KDM4C: variants seen among roughly 807,000 people sequenced by gnomAD.
The protein encoded by KDM4C is lysine-specific demethylase 4C.
KDM4C carries 81 observed loss-of-function variants against 129.3 expected under a neutral mutation model. The observed-to-expected ratio is 0.63, with a 90% CI of 0.52 to 0.75. The LOEUF is 0.75. Among genes scored for constraint, KDM4C ranks in the 30% least tolerant of loss-of-function variants. The probability of loss-of-function intolerance (pLI) is 0.00; values close to 1 mark genes in which losing one functional copy is unlikely to be tolerated. For synonymous variants in KDM4C, 573 were observed against 456.1 expected, an observed-to-expected ratio of 1.26 and a Z score of -3.26; for missense variants, 1,457 against 1,304.0, an observed-to-expected ratio of 1.12 and a Z score of -1.81.
chr9:7,082,783 G>A (rs1009126286), intron 17 of KDM4C, among the ~76,000 whole-genome samples: 1 of 152,130 alleles, frequency 6.6e-6, no homozygotes, highest in Non-Finnish European at 1.5e-5. Flanking sequence ...TCAAGCATTT[G>A]CAGTAGCAAA....
At chr9:7,102,421 A>G (rs1837204669) in intron 17 of KDM4C, among the ~76,000 whole-genome samples, 1 of 150,610 alleles carries the variant, frequency 6.6e-6, no homozygotes, top group Non-Finnish European at 1.5e-5. Context: ...GTTGTAAAGA[A>G]TCACTCGGGC....
chr9:7,135,205 C>A (rs928928085), intron 19 of KDM4C, among the ~76,000 whole-genome samples: 6 of 152,114 alleles, frequency 3.9e-5, no homozygotes, highest in African/African-American at 7.2e-5. Flanking sequence ...ATGTCCCATG[C>A]AGGAGATTCA....
chr9:7,131,776 G>A (rs1840670771), intron 19 of KDM4C, among the ~76,000 whole-genome samples: 1 of 152,156 alleles, frequency 6.6e-6, no homozygotes, highest in South Asian at 2.1e-4. Flanking sequence ...AATGTAATCA[G>A]GTTTGTTTCT....
chr9:7,056,028 C>G (rs1587311835), intron 17 of KDM4C, among the ~76,000 whole-genome samples: 1 of 152,080 alleles, frequency 6.6e-6, no homozygotes, highest in South Asian at 2.1e-4. Flanking sequence ...AACTCATGTA[C>G]CGATTTATTC....
intron 5 of KDM4C, among the ~76,000 whole-genome samples, chr9:6,868,121 C>G (rs1368878557): frequency 6.6e-6 from 1 of 151,946 alleles, no homozygotes; most frequent in East Asian, 1.9e-4. Context: ...CCAAACCCTC[C>G]CTGGAGGCAC....
chr9:6,898,686 A>G (rs1188896120), intron 8 of KDM4C, among the ~76,000 whole-genome samples: 1 of 152,206 alleles, frequency 6.6e-6, no homozygotes, highest in Non-Finnish European at 1.5e-5. Flanking sequence ...AGGGGTTTCA[A>G]CTATTAAATT....
intron 15 of KDM4C, among the ~76,000 whole-genome samples, chr9:7,023,165 T>C (rs1288267368): frequency 6.6e-6 from 1 of 152,332 alleles, no homozygotes; most frequent in South Asian, 2.1e-4. Flanking sequence ...CGGAGTGAGC[T>C]TGGAAGTGTT....
chr9:6,879,981 C>G (rs371631741), intron 5 of KDM4C, 31 bp from the exon 6 acceptor site: 1 of 1,333,438 alleles, frequency 7.5e-7, no homozygotes, highest in Non-Finnish European at 1.0e-6. Flanking sequence ...AATTATAAAC[C>G]TAAAATTTTT....
chr9:6,916,153 A>T (rs1820271505), intron 8 of KDM4C, among the ~76,000 whole-genome samples: 1 of 152,090 alleles, frequency 6.6e-6, no homozygotes, highest in Admixed American at 6.5e-5. Context: ...TTTGACAGTC[A>T]CTTCTGAGTG....
At chr9:7,063,758 G>T (rs761274677) in intron 17 of KDM4C, among the ~76,000 whole-genome samples, 24 of 152,238 alleles carry the variant, frequency 1.6e-4, no homozygotes, top group Non-Finnish European at 3.4e-4. Flanking sequence ...GGAAGAAACA[G>T]TGCCTAATAA....
chr9:7,100,640 T>G (rs1223339150), intron 17 of KDM4C, among the ~76,000 whole-genome samples: 2 of 152,206 alleles, frequency 1.3e-5, no homozygotes, highest in African/African-American at 4.8e-5. Flanking sequence ...ACTCTCAGCC[T>G]AAAGATCTTT....
chr9:7,079,459 A>C (rs144372065), intron 17 of KDM4C, among the ~76,000 whole-genome samples: 28 of 152,290 alleles, frequency 1.8e-4, no homozygotes, highest in African/African-American at 5.1e-4. Context: ...AGTAGCTAGT[A>C]CTACAGGTGC....
intron 17 of KDM4C, among the ~76,000 whole-genome samples, chr9:7,057,144 A>G (rs1239282303): frequency 6.6e-6 from 1 of 152,174 alleles, no homozygotes; most frequent in Non-Finnish European, 1.5e-5. Flanking sequence ...TAGGTTATTC[A>G]TTTCCTCAGA....
intron 17 of KDM4C, among the ~76,000 whole-genome samples, chr9:7,073,930 C>T (rs900114989): frequency 6.6e-6 from 1 of 152,060 alleles, no homozygotes; most frequent in African/African-American, 2.4e-5. Context: ...GCAGGTGTCT[C>T]GGAAACCTAA....
At chr9:7,113,478 A>G (rs1838560776) in intron 18 of KDM4C, among the ~76,000 whole-genome samples, 1 of 152,106 alleles carries the variant, frequency 6.6e-6, no homozygotes, top group Non-Finnish European at 1.5e-5. Context: ...GAACCCCCTA[A>G]TTTGTTTTCC....
chr9:6,959,215 G>A (rs1321982908), intron 8 of KDM4C, among the ~76,000 whole-genome samples: 1 of 152,156 alleles, frequency 6.6e-6, no homozygotes, highest in African/African-American at 2.4e-5. Context: ...TTTCTTCATG[G>A]TTTTATCGTC....
chr9:7,083,580 A>G (rs1037010355), intron 17 of KDM4C, among the ~76,000 whole-genome samples: 4 of 152,220 alleles, frequency 2.6e-5, no homozygotes, highest in Admixed American at 1.3e-4. Context: ...GGCAGTTATA[A>G]CACAATGCTA....
In KDM4C at chr9:6,748,625, T is replaced by C; in HGVS notation, c.49+27628T>C. 3 of 779,226 alleles carry C rather than the reference T, an allele frequency of 3.8e-6. No individual in the cohort carries two copies. The South Asian group carries it at 4.2e-5, about 11-fold the overall frequency. 48.3% of individuals were successfully genotyped at this position (779,226 alleles called of 1,614,324 possible). A position where few individuals can be genotyped will look rare whatever the true frequency, so the allele number is the denominator to read the frequency against. On this transcript the variant is annotated intron_variant, in intron 1 of 17. Coordinates refer to the KDM4C transcript ENST00000536108. ...ATAAGTGTAATCAAAACAATATGAATAAATGTTCATATTGGACAAAGGACG... is the reference window on the plus strand; with the variant it reads ...ATAAGTGTAATCAAAACAATATGAACAAATGTTCATATTGGACAAAGGACG...
chr9:7,038,262 T>A (rs981646301), intron 15 of KDM4C, among the ~76,000 whole-genome samples: 8 of 152,102 alleles, frequency 5.3e-5, no homozygotes, highest in Non-Finnish European at 8.8e-5. Context: ...CTAGATATTA[T>A]CAAGAAAGTC....
Sources: gnomAD v4.1 joint callset for allele counts (sites outside exome capture counted in the v4.1 genomes callset) on GRCh38, gnomAD v4.1.1 for gene constraint, MANE v1.5 for transcripts, NCBI Gene and HGNC (gene_info 2026-07-23, HGNC 2026-07-21) for gene names.